NHEJ1: variants seen among roughly 807,000 people sequenced by gnomAD.
NHEJ1 encodes the protein non-homologous end-joining factor 1.
In NHEJ1, 22 loss-of-function variants were observed where a neutral mutation model predicts 39.4. The observed-to-expected ratio is 0.56, with a 90% CI of 0.40 to 0.80. The LOEUF (loss-of-function observed/expected upper bound fraction) is 0.80, where lower values mean the gene tolerates loss of function less well. Among genes scored for constraint, NHEJ1 ranks in the 30% least tolerant of loss-of-function variants. The pLI, the probability that NHEJ1 is intolerant of heterozygous loss-of-function variation, is 0.00. For synonymous variants in NHEJ1, 154 were observed against 135.6 expected, an observed-to-expected ratio of 1.14 and a Z score of -0.94; for missense variants, 329 against 357.1, an observed-to-expected ratio of 0.92 and a Z score of 0.63.
At chr2:219,144,660 T>C (rs1014036033) in intron 5 of NHEJ1, among the ~76,000 whole-genome samples, 4 of 151,898 alleles carry the variant, frequency 2.6e-5, no homozygotes, top group African/African-American at 4.8e-5. Context: ...AGCTAAGGCA[T>C]AAAGTACACA....
At chr2:219,132,981 T>C (rs1241153245) in intron 5 of NHEJ1, among the ~76,000 whole-genome samples, 1 of 152,246 alleles carries the variant, frequency 6.6e-6, no homozygotes, top group African/African-American at 2.4e-5. Context: ...ACGGGCTTAA[T>C]AAGTACTGTC....
chr2:219,110,350 T>C (rs1949354540), intron 5 of NHEJ1, among the ~76,000 whole-genome samples: 1 of 151,970 alleles, frequency 6.6e-6, no homozygotes, highest in South Asian at 2.1e-4. Flanking sequence ...ATCCCGTCTC[T>C]ACAAAAAATA....
intron 5 of NHEJ1, among the ~76,000 whole-genome samples, chr2:219,115,717 A>C (rs930312275): frequency 6.6e-6 from 1 of 152,176 alleles, no homozygotes; most frequent in Non-Finnish European, 1.5e-5. Flanking sequence ...TTTCATACAC[A>C]AAGTCCACTC....
chr2:219,118,882 G>A (rs2106343836), intron 5 of NHEJ1, among the ~76,000 whole-genome samples: 1 of 152,286 alleles, frequency 6.6e-6, no homozygotes, highest in Admixed American at 6.5e-5. Flanking sequence ...GGAATCAATG[G>A]CGGCTGGTGG....
At chr2:219,115,138 C>A (rs539977988) in intron 5 of NHEJ1, among the ~76,000 whole-genome samples, 1 of 138,344 alleles carries the variant, frequency 7.2e-6, no homozygotes, top group Admixed American at 7.8e-5. Flanking sequence ...CCAAAAGAAT[C>A]CCACCGTATT....
intron 5 of NHEJ1, among the ~76,000 whole-genome samples, chr2:219,134,728 C>T (rs748225347): frequency 1.2e-4 from 18 of 152,080 alleles, no homozygotes; most frequent in South Asian, 2.1e-4. Context: ...CTCACTTGTA[C>T]GTCCCATAAT....
At chr2:219,158,933 T>C (rs1949884379) in intron 1 of NHEJ1, 1 of 171,166 alleles carries the variant, frequency 5.8e-6, no homozygotes, top group African/African-American at 2.4e-5. Flanking sequence ...GTGAATCCTC[T>C]AGAATTATAT....
intron 5 of NHEJ1, among the ~76,000 whole-genome samples, chr2:219,109,063 A>G (rs760038014): frequency 2.6e-5 from 4 of 152,230 alleles, no homozygotes; most frequent in Non-Finnish European, 5.9e-5. Flanking sequence ...TAAGAGTGAG[A>G]TATCTCTTTC....
chr2:219,105,073 A>T (rs1049574245), intron 5 of NHEJ1, among the ~76,000 whole-genome samples: 1 of 152,120 alleles, frequency 6.6e-6, no homozygotes, highest in East Asian at 1.9e-4. Context: ...CTTGATTGAG[A>T]GGGGGATATT....
chr2:219,132,508 G>A (rs759761665), intron 5 of NHEJ1, among the ~76,000 whole-genome samples: 5 of 152,150 alleles, frequency 3.3e-5, no homozygotes, highest in Admixed American at 6.5e-5. Context: ...AATTAGAAGG[G>A]GTTCTCTGGA....
intron 5 of NHEJ1, among the ~76,000 whole-genome samples, chr2:219,103,902 G>C (rs1949289860): frequency 6.6e-6 from 1 of 152,216 alleles, no homozygotes; most frequent in African/African-American, 2.4e-5. Context: ...GAGCTAGCAA[G>C]TGGTACAGTC....
In NHEJ1 at chr2:219,075,220, G is replaced by A. The variant is rs1949001164; in HGVS notation, c.*1161C>T. 1 of 152,054 alleles carries A rather than the reference G, an allele frequency of 6.6e-6. No individual in the cohort carries two copies. The highest frequency in any genetic ancestry group is 2.4e-5 in the African/African-American group (1 of 41,386). The allele number at this position is 152,054 out of a possible 1,614,324, so 9.4% of individuals were successfully genotyped here. The stretch of plus-strand genomic sequence containing the variant: ...CACTTCAGGATCCAATTTCTTAATG[G>A]GTTAACAGCATCTTCCTCATATGAT... On this transcript the variant is annotated 3_prime_UTR_variant, in exon 8 of 8. Transcript: ENST00000356853.
At chr2:219,151,160 T>C (rs1488429475) in intron 3 of NHEJ1, among the ~76,000 whole-genome samples, 1 of 149,330 alleles carries the variant, frequency 6.7e-6, no homozygotes, top group Non-Finnish European at 1.5e-5. Flanking sequence ...AGTTTGGTAC[T>C]GTTTAAGGTA....
rs1363317003 is a variant in NHEJ1, at chr2:219,158,382, T to C, written c.1-20A>G. On this transcript the variant is annotated intron_variant, in intron 1 of 7. Transcript: ENST00000356853. ...TTCCATCTGCAAAAAAGTCCTCATT[T>C]AGTAAAGAGCCTCAGGGTCATGCTG... The C allele has an allele frequency of 1.9e-6, 3 of 1,613,186 alleles. No homozygotes were observed. The African/African-American group carries it at 4.0e-5, about 22-fold the overall frequency.
At chr2:219,083,155 G>A (rs904976093) in intron 5 of NHEJ1, among the ~76,000 whole-genome samples, 7 of 152,158 alleles carry the variant, frequency 4.6e-5, no homozygotes, top group Non-Finnish European at 1.0e-4. Flanking sequence ...GTGAACAAAA[G>A]AGATAAAATT....
At chr2:219,137,352 A>G (rs1949641305) in intron 5 of NHEJ1, among the ~76,000 whole-genome samples, 1 of 152,066 alleles carries the variant, frequency 6.6e-6, no homozygotes, top group Admixed American at 6.5e-5. Flanking sequence ...TCACATAAGC[A>G]TATGACCAAG....
intron 5 of NHEJ1, among the ~76,000 whole-genome samples, chr2:219,120,769 C>T (rs771098833): frequency 1.3e-5 from 2 of 152,154 alleles, no homozygotes; most frequent in South Asian, 2.1e-4. Flanking sequence ...AGTCTCTGAT[C>T]GGCCCTAGTA....
rs759490501 is a variant in NHEJ1 at position 219,157,646 on chromosome 2, G to T, written c.216C>A (p.Phe72Leu). The T allele has an allele frequency of 1.9e-6, 3 of 1,614,122 alleles. No homozygotes were observed. In the South Asian group the frequency reaches 3.3e-5, roughly 18 times the overall value. Residue 72 changes from phenylalanine to leucine, a missense_variant, in exon 3 of 8, where the codon TTC (phenylalanine) becomes TTA (leucine). By Grantham distance (22) the Phe-to-Leu change is conservative. Coordinates refer to ENST00000356853, the MANE Select transcript of NHEJ1 (RefSeq NM_024782.3). ...NKRLTAPPAA[F>L]LCHLDNLLRP... is the part of the protein sequence containing the mutation. ...GAAGGAGATTATCCAAATGACAGAGGAAAGCTGCAGGAGGAGCAGTGAGCC... is the reference window on the plus strand; with the variant it reads ...GAAGGAGATTATCCAAATGACAGAGTAAAGCTGCAGGAGGAGCAGTGAGCC...
chr2:219,159,528 T>TGC lies in NHEJ1; in HGVS notation c.1-1167_1-1166insGC, dbSNP rs1553549778. ...TGACATAACTTTATATATATATGCA[T>TGC]ATATATATGCATATATATATATGCA... On this transcript the variant is annotated intron_variant, in intron 1 of 7. Coordinates refer to ENST00000356853, the MANE Select transcript of NHEJ1 (RefSeq NM_024782.3). Among the ~76,000 whole-genome samples the TGC allele has an allele frequency of 1.8e-3, 164 of 92,222 alleles. 5 individuals carry two copies. The highest frequency in any genetic ancestry group is 6.9e-3 in the African/African-American group (153 of 22,208). 60.5% of individuals were successfully genotyped at this position (92,222 alleles called of 152,430 possible). A position where few individuals can be genotyped will look rare whatever the true frequency, so the allele number is the denominator to read the frequency against.
Sources: gnomAD v4.1 joint callset for allele counts (sites outside exome capture counted in the v4.1 genomes callset) on GRCh38, gnomAD v4.1.1 for gene constraint, MANE v1.5 for transcripts, NCBI Gene and HGNC (gene_info 2026-07-23, HGNC 2026-07-21) for gene names.